Variants in TNFSF4 observed in about 807,000 individuals in gnomAD.
TNFSF4 encodes the protein tumor necrosis factor ligand superfamily member 4.
In TNFSF4, 4 loss-of-function variants were observed where a neutral mutation model predicts 7.3. The observed-to-expected ratio is 0.55, with a 90% CI of 0.27 to 1.25. The LOEUF is 1.25. TNFSF4 is among the 50% of genes most tolerant of loss of function. The pLI is 0.12. For synonymous variants in TNFSF4, 76 were observed against 83.7 expected, an observed-to-expected ratio of 0.91 and a Z score of 0.50; for missense variants, 181 against 208.8, an observed-to-expected ratio of 0.87 and a Z score of 0.82.
At chr1:173,359,435 T>A in the TNFSF4 span, among the ~76,000 whole-genome samples, 1 of 138,616 alleles carries the variant, frequency 7.2e-6, no homozygotes, top group Non-Finnish European at 1.5e-5. Flanking sequence ...CCAGTCAGAG[T>A]CTAAGAGTTT....
At chr1:173,409,141 G>A in the TNFSF4 span, among the ~76,000 whole-genome samples, 1 of 151,990 alleles carries the variant, frequency 6.6e-6, no homozygotes, top group Non-Finnish European at 1.5e-5. Flanking sequence ...CTAATTCTGA[G>A]GAAATATGAG....
intron 1 of TNFSF4, among the ~76,000 whole-genome samples, chr1:173,193,768 C>CAAA (rs34461114): frequency 2.9e-5 from 3 of 101,898 alleles, no homozygotes; most frequent in African/African-American, 3.2e-5. Context: ...ATAAGTGAAG[C>CAAA]AAAAAAAAAA....
the TNFSF4 span, among the ~76,000 whole-genome samples, chr1:173,237,888 A>T: frequency 6.6e-6 from 1 of 152,244 alleles, no homozygotes; most frequent in Non-Finnish European, 1.5e-5. Flanking sequence ...GACATTCTTC[A>T]CTGAACTAGA....
At chr1:173,306,761 T>C in the TNFSF4 span, among the ~76,000 whole-genome samples, 288 of 152,058 alleles carry the variant, frequency 1.9e-3, 1 homozygote, top group Admixed American at 8.1e-3. Context: ...GAACTCAATA[T>C]GACTTCCTCC....
At chr1:173,335,686 G>A in the TNFSF4 span, among the ~76,000 whole-genome samples, 1 of 152,068 alleles carries the variant, frequency 6.6e-6, no homozygotes, top group Non-Finnish European at 1.5e-5. Flanking sequence ...AAAAACACAG[G>A]GTGATGTCCC....
At chr1:173,412,556 A>G in the TNFSF4 span, among the ~76,000 whole-genome samples, 1 of 152,244 alleles carries the variant, frequency 6.6e-6, no homozygotes, top group South Asian at 2.1e-4. Context: ...AAACGCAACT[A>G]TGAGCTAAGA....
the TNFSF4 span, among the ~76,000 whole-genome samples, chr1:173,404,110 C>G: frequency 6.6e-6 from 1 of 152,150 alleles, no homozygotes; most frequent in African/African-American, 2.4e-5. Flanking sequence ...AGCAAGAGAC[C>G]GTGACCCCAT....
the TNFSF4 span, among the ~76,000 whole-genome samples, chr1:173,311,806 C>G: frequency 3.3e-5 from 5 of 152,090 alleles, no homozygotes; most frequent in Admixed American, 6.6e-5. Flanking sequence ...GAGAAATGAT[C>G]AGTACCTCAA....
chr1:173,450,061 C>A, the TNFSF4 span, among the ~76,000 whole-genome samples: 1 of 151,940 alleles, frequency 6.6e-6, no homozygotes. Flanking sequence ...AAATAAGATG[C>A]AAATTAGAAA....
chr1:173,364,250 T>C, the TNFSF4 span, among the ~76,000 whole-genome samples: 1 of 149,644 alleles, frequency 6.7e-6, no homozygotes, highest in African/African-American at 2.4e-5. Context: ...TATGTACTGA[T>C]GTGGAATGGG....
At chr1:173,227,566 ACAGTGGGTGCAGCACAGTGGGTGCAGAG>A in the TNFSF4 span, among the ~76,000 whole-genome samples, 2 of 152,158 alleles carry the variant, frequency 1.3e-5, no homozygotes, top group Non-Finnish European at 2.9e-5. Context: ...GGCTTGTCAG[ACAGTGGGTGCAGCACAGTGGGTGCAGAG>A]CAGTGGGTGC....
chr1:173,419,669 C>A, the TNFSF4 span, among the ~76,000 whole-genome samples: 44 of 152,214 alleles, frequency 2.9e-4, no homozygotes, highest in South Asian at 6.2e-4. Context: ...AGCTTCCACC[C>A]TTCCCTGCAG....
the TNFSF4 span, among the ~76,000 whole-genome samples, chr1:173,427,833 G>A: frequency 1.3e-5 from 2 of 152,092 alleles, no homozygotes; most frequent in African/African-American, 2.4e-5. Context: ...AACTGTAGGC[G>A]ACTGTAACAC....
chr1:173,186,674 C>T lies in TNFSF4; in HGVS notation c.394G>A (p.Val132Ile). The change falls in exon 3 of 3, where the codon GTC becomes ATC. Residue 132 changes from valine (V) to isoleucine (I), a missense_variant. By Grantham distance (29) the Val-to-Ile change is conservative (BLOSUM62 3). Transcript: ENST00000281834. Reference protein sequence around the residue: ...DEEPLFQLKKVRSVNSLMVAS... With the variant: ...DEEPLFQLKKIRSVNSLMVAS... The stretch of plus-strand genomic sequence containing the variant: ...ACCATCAAGGAGTTGACAGACCTGA[C>T]CTTCTTCAGTTGGAAGAGGGGCTCC... 6.2e-7 allele frequency: 1 copy of T among 1,614,136 alleles called. No individual in the cohort carries two copies. Among genetic ancestry groups the T allele is most frequent in the Non-Finnish European group, 8.5e-7 (1 of 1,180,010 alleles).
At chr1:173,441,617 C>T in the TNFSF4 span, among the ~76,000 whole-genome samples, 1 of 152,122 alleles carries the variant, frequency 6.6e-6, no homozygotes, top group Non-Finnish European at 1.5e-5. Flanking sequence ...GAGCGAGACT[C>T]TGTCTCAAAA....
the TNFSF4 span, among the ~76,000 whole-genome samples, chr1:173,319,743 G>A: frequency 2.0e-5 from 3 of 152,152 alleles, no homozygotes; most frequent in Non-Finnish European, 4.4e-5. Flanking sequence ...CCAACAAACT[G>A]AAGCAGACCT....
At chr1:173,327,669 C>T in the TNFSF4 span, among the ~76,000 whole-genome samples, 1 of 152,132 alleles carries the variant, frequency 6.6e-6, no homozygotes, top group Non-Finnish European at 1.5e-5. Context: ...AAAAAACAAA[C>T]AACCCCATCA....
intron 1 of TNFSF4, among the ~76,000 whole-genome samples, chr1:173,197,698 G>C (rs980872841): frequency 1.3e-5 from 2 of 152,174 alleles, no homozygotes; most frequent in African/African-American, 2.4e-5. Flanking sequence ...AGGGGAGGGA[G>C]GGCATCAGGA....
At chr1:173,273,580 A>G in the TNFSF4 span, among the ~76,000 whole-genome samples, 1 of 152,098 alleles carries the variant, frequency 6.6e-6, no homozygotes. Flanking sequence ...ACCAGTTGGG[A>G]AAAAAATGTA....
Sources: allele counts gnomAD v4.1 joint callset (sites outside exome capture counted in the v4.1 genomes callset), GRCh38; gene constraint gnomAD v4.1.1; transcripts MANE v1.5; gene names NCBI Gene and HGNC (gene_info 2026-07-23, HGNC 2026-07-21).